Variants in TMTC2 observed in about 807,000 individuals in gnomAD.
The protein encoded by TMTC2 is transmembrane O-mannosyltransferase targeting cadherins 2.
TMTC2 carries 43 observed loss-of-function variants against 82.4 expected under a neutral mutation model. The observed-to-expected ratio is 0.52, with a 90% confidence interval of 0.41 to 0.67. The LOEUF is 0.67. TMTC2 is among the 30% of genes least tolerant of loss of function. TMTC2 has a pLI of 0.00. For missense variants in TMTC2, 919 were observed against 1,012.4 expected, an observed-to-expected ratio of 0.91 and a Z score of 1.25; for synonymous variants, 408 against 381.9, an observed-to-expected ratio of 1.07 and a Z score of -0.80.
At chr12:82,912,822 C>T (rs1190210070) in intron 3 of TMTC2, among the ~76,000 whole-genome samples, 1 of 151,554 alleles carries the variant, frequency 6.6e-6, no homozygotes, top group African/African-American at 2.4e-5. Context: ...CCTGTAGTTG[C>T]AGCTACTTGG....
At chr12:83,021,483 G>A (rs967551468) in intron 8 of TMTC2, among the ~76,000 whole-genome samples, 4 of 152,036 alleles carry the variant, frequency 2.6e-5, no homozygotes, top group Admixed American at 6.6e-5. Context: ...TAGTCCAAGC[G>A]ACTTGGGAAG....
In TMTC2 at chr12:82,896,013, T is replaced by G. The variant is rs761980951; in HGVS notation, c.850T>G (p.Leu284Val). Residue 284 changes from leucine to valine, a missense_variant, in exon 3 of 12, where the codon TTG (leucine) becomes GTG (valine). Coordinates refer to ENST00000321196, the MANE Select transcript of TMTC2 (RefSeq NM_152588.3). ...CTTGCCAACCAAGAACCTCTGGCTG[T>G]TGCTATGTCCAGATACCCTCAGTTT... ...FYLPTKNLWL[L>V]LCPDTLSFDW... The G allele has an allele frequency of 2.1e-5, 34 of 1,613,832 alleles. 1 individual carries two copies. In the South Asian group the frequency reaches 3.4e-4, roughly 16 times the overall value.
At chr12:83,005,334 A>G (rs1385636589) in intron 8 of TMTC2, among the ~76,000 whole-genome samples, 9 of 148,976 alleles carry the variant, frequency 6.0e-5, no homozygotes, top group African/African-American at 2.0e-4. Context: ...GGTCTCCAAA[A>G]AAAAAAAAAA....
intron 2 of TMTC2, 26 bp downstream of exon 2, chr12:82,857,606 T>C (rs1347136532): frequency 1.3e-6 from 2 of 1,567,558 alleles, no homozygotes; most frequent in East Asian, 2.2e-5. Context: ...CTCTTGAGCA[T>C]TGGATTACTG....
At chr12:82,949,163 A>G (rs1356511982) in intron 4 of TMTC2, among the ~76,000 whole-genome samples, 1 of 152,158 alleles carries the variant, frequency 6.6e-6, no homozygotes, top group Non-Finnish European at 1.5e-5. Context: ...ACACTCTCCA[A>G]CTGATAGGTG....
At chr12:83,048,815 C>G (rs1882238213) in intron 9 of TMTC2, among the ~76,000 whole-genome samples, 1 of 152,084 alleles carries the variant, frequency 6.6e-6, no homozygotes, top group African/African-American at 2.4e-5. Context: ...ACTGCAGGCA[C>G]CCACCACTGT....
chr12:82,782,530 T>A (rs1391814740), intron 1 of TMTC2, among the ~76,000 whole-genome samples: 1 of 152,104 alleles, frequency 6.6e-6, no homozygotes, highest in Non-Finnish European at 1.5e-5. Context: ...TCTCTAATAC[T>A]CCTCCTGCCT....
At chr12:82,782,869 C>T (rs529943378) in intron 1 of TMTC2, among the ~76,000 whole-genome samples, 7 of 152,018 alleles carry the variant, frequency 4.6e-5, no homozygotes, top group Admixed American at 2.6e-4. Context: ...ACATTTATTG[C>T]AATGAAATTA....
intron 1 of TMTC2, among the ~76,000 whole-genome samples, chr12:82,699,526 C>A (rs181610459): frequency 3.1e-4 from 47 of 152,224 alleles, no homozygotes; most frequent in Non-Finnish European, 2.9e-5. Flanking sequence ...GGAATACGCT[C>A]ATATTCAGAG....
intron 1 of TMTC2, among the ~76,000 whole-genome samples, chr12:82,749,760 C>T (rs1875882891): frequency 2.0e-5 from 2 of 98,804 alleles, no homozygotes; most frequent in African/African-American, 1.0e-4. Context: ...TTTTTTGAGG[C>T]GGAGTCTCGC....
intron 11 of TMTC2, among the ~76,000 whole-genome samples, chr12:83,084,914 A>G (rs1439608592): frequency 1.3e-5 from 2 of 152,228 alleles, no homozygotes; most frequent in African/African-American, 2.4e-5. Context: ...AAAGATGTGA[A>G]TAACAAATTG....
chr12:82,782,400 T>C (rs73356395), intron 1 of TMTC2, among the ~76,000 whole-genome samples: 2,262 of 152,254 alleles, frequency 0.015, 60 homozygotes, highest in African/African-American at 0.052. Flanking sequence ...TCAGAATTGA[T>C]TACAGGCTTT....
chr12:82,876,178 G>GGTGGTGGTGGTGGT (rs1872567704), intron 2 of TMTC2, among the ~76,000 whole-genome samples: 3 of 137,574 alleles, frequency 2.2e-5, no homozygotes, highest in Admixed American at 7.0e-5. Context: ...GTTGTTGATC[G>GGTGGTGGTGGTGGT]GGTGGTAGTG....
chr12:83,064,842 T>C (rs1190768211), intron 11 of TMTC2, among the ~76,000 whole-genome samples: 2 of 152,014 alleles, frequency 1.3e-5, no homozygotes, highest in African/African-American at 4.8e-5. Context: ...TTACCTTTAT[T>C]CATAAAAAAC....
chr12:82,739,959 T>C (rs1032722526), intron 1 of TMTC2, among the ~76,000 whole-genome samples: 19 of 152,042 alleles, frequency 1.2e-4, no homozygotes, highest in African/African-American at 4.6e-4. Flanking sequence ...AAATGGAACA[T>C]GTATGGTAAA....
chr12:83,010,877 C>T (rs1880425763), intron 8 of TMTC2, among the ~76,000 whole-genome samples: 1 of 152,132 alleles, frequency 6.6e-6, no homozygotes, highest in African/African-American at 2.4e-5. Flanking sequence ...TCTTGTCACC[C>T]AGGCTGGAGT....
chr12:82,838,348 T>G (rs564649680), intron 1 of TMTC2, among the ~76,000 whole-genome samples: 2 of 152,358 alleles, frequency 1.3e-5, no homozygotes, highest in African/African-American at 4.8e-5. Context: ...AGTCCCAGAA[T>G]AGTTGTTTGT....
intron 1 of TMTC2, among the ~76,000 whole-genome samples, chr12:82,810,102 G>T (rs1293866113): frequency 1.3e-5 from 2 of 151,986 alleles, no homozygotes; most frequent in East Asian, 3.9e-4. Context: ...GATATGGAGA[G>T]AAATTGTTCA....
At chr12:82,879,796 C>A (rs1872740214) in intron 2 of TMTC2, among the ~76,000 whole-genome samples, 1 of 152,168 alleles carries the variant, frequency 6.6e-6, no homozygotes, top group African/African-American at 2.4e-5. Flanking sequence ...ACATGTAAGA[C>A]ACTCTGTAAA....
Sources: allele counts gnomAD v4.1 joint callset (sites outside exome capture counted in the v4.1 genomes callset), GRCh38; gene constraint gnomAD v4.1.1; transcripts MANE v1.5; gene names NCBI Gene and HGNC (gene_info 2026-07-23, HGNC 2026-07-21).